SCAP: variants seen among roughly 807,000 people sequenced by gnomAD.
SCAP encodes sterol regulatory element-binding protein cleavage-activating protein.
A neutral mutation model predicts 123.6 loss-of-function variants in SCAP; 65 were observed. The observed-to-expected ratio is 0.53, with a 90% CI of 0.43 to 0.65. The LOEUF is 0.65. Ranked by LOEUF, SCAP falls within the 30% of genes least tolerant of loss-of-function variation. SCAP has a pLI of 0.00. For synonymous variants in SCAP, 740 were observed against 726.3 expected (o/e 1.02, Z -0.30); for missense variants, 1,398 against 1,712.5 (o/e 0.82, Z 3.24).
upstream of SCAP, among the ~76,000 whole-genome samples, chr3:47,476,547 T>C (rs2108051517): frequency 6.6e-6 from 1 of 152,330 alleles, no homozygotes; most frequent in Non-Finnish European, 1.5e-5. Flanking sequence ...CTAGTTTCCC[T>C]ATAGACATTT....
At chr3:47,458,634 T>C (rs1374771131) in intron 1 of SCAP, among the ~76,000 whole-genome samples, 1 of 152,150 alleles carries the variant, frequency 6.6e-6, no homozygotes, top group Non-Finnish European at 1.5e-5. Flanking sequence ...GTAATGGTTG[T>C]CACAAATAAC....
intron 21 of SCAP, 49 bp from the exon 22 acceptor site, chr3:47,414,435 G>A: frequency 6.2e-7 from 1 of 1,605,096 alleles, no homozygotes; most frequent in Non-Finnish European, 8.5e-7. Flanking sequence ...TAATACCTCT[G>A]TCAACAGTGG....
At chr3:47,443,314 T>G (rs1199125033) in intron 1 of SCAP, 5 of 233,576 alleles carry the variant, frequency 2.1e-5, no homozygotes, top group African/African-American at 3.0e-5. Context: ...TCTCTCTCCC[T>G]CCCCGCCCAA....
At chr3:47,425,323 C>A in intron 8 of SCAP, 162 bp downstream of exon 8, 2 of 747,232 alleles carry the variant, frequency 2.7e-6, no homozygotes, top group Non-Finnish European at 4.2e-6. Context: ...TGAATACAAG[C>A]CAGACAAAGA....
chr3:47,458,873 T>A (rs1576308137), intron 1 of SCAP, among the ~76,000 whole-genome samples: 1 of 152,230 alleles, frequency 6.6e-6, no homozygotes, highest in African/African-American at 2.4e-5. Context: ...CGGCGTGATC[T>A]CGGCTCACTG....
intron 4 of SCAP, among the ~76,000 whole-genome samples, 193 bp downstream of exon 4, chr3:47,428,320 T>C (rs996772148): frequency 3.9e-5 from 6 of 152,122 alleles, no homozygotes; most frequent in South Asian, 4.2e-4. Context: ...GCCATCTGCA[T>C]AGGTCCAAGC....
chr3:47,473,780 T>C (rs1708159879), intron 1 of SCAP, among the ~76,000 whole-genome samples: 1 of 152,208 alleles, frequency 6.6e-6, no homozygotes, highest in Admixed American at 6.5e-5. Context: ...ACACTTTTTC[T>C]TTCCTTTTTT....
At chr3:47,453,914 A>G (rs1487575661) in intron 1 of SCAP, among the ~76,000 whole-genome samples, 1 of 152,110 alleles carries the variant, frequency 6.6e-6, no homozygotes, top group East Asian at 1.9e-4. Flanking sequence ...ATAAAATGCT[A>G]TTTCCTCCAT....
chr3:47,441,769 C>T (rs1340172692), intron 2 of SCAP, among the ~76,000 whole-genome samples: 1 of 151,984 alleles, frequency 6.6e-6, no homozygotes, highest in Non-Finnish European at 1.5e-5. Context: ...CTCTAAGTCC[C>T]TACCCCTCTT....
chr3:47,429,327 C>T (rs1439686724), intron 3 of SCAP, among the ~76,000 whole-genome samples: 1 of 152,256 alleles, frequency 6.6e-6, no homozygotes. Context: ...CAGGTGTAGG[C>T]AAACGATGGC....
chr3:47,458,865 G>C (rs1707525102), intron 1 of SCAP, among the ~76,000 whole-genome samples: 1 of 152,190 alleles, frequency 6.6e-6, no homozygotes, highest in East Asian at 1.9e-4. Flanking sequence ...ACGTGCAACG[G>C]CGTGATCTCG....
chr3:47,421,612 C>T (rs575950563), intron 10 of SCAP, among the ~76,000 whole-genome samples: 1 of 152,256 alleles, frequency 6.6e-6, no homozygotes, highest in Non-Finnish European at 1.5e-5. Flanking sequence ...AGTGCTACTC[C>T]GATCTGGGGT....
At chr3:47,442,784 A>C in intron 2 of SCAP, 88 bp downstream of exon 2, 1 of 1,203,910 alleles carries the variant, frequency 8.3e-7, no homozygotes, top group Non-Finnish European at 1.2e-6. Context: ...AAGCATACAG[A>C]GGCCAAGGGC....
intron 1 of SCAP, among the ~76,000 whole-genome samples, chr3:47,463,981 G>A (rs781339205): frequency 3.9e-5 from 6 of 151,944 alleles, no homozygotes. Flanking sequence ...ACAGGCATGA[G>A]CCACCACATC....
intron 9 of SCAP, 121 bp from the exon 10 acceptor site, chr3:47,422,657 C>G: frequency 1.3e-6 from 1 of 752,624 alleles, no homozygotes; most frequent in Non-Finnish European, 2.1e-6. Context: ...TTTGAAGGAG[C>G]CATTCCACCA....
chr3:47,446,041 A>G (rs1351164624), intron 1 of SCAP, among the ~76,000 whole-genome samples: 3 of 150,886 alleles, frequency 2.0e-5, no homozygotes, highest in Non-Finnish European at 2.9e-5. Context: ...ACGCCCAGCT[A>G]ATTTTTGCAT....
chr3:47,452,274 G>A (rs1464251517), intron 1 of SCAP, among the ~76,000 whole-genome samples: 1 of 152,034 alleles, frequency 6.6e-6, no homozygotes, highest in Non-Finnish European at 1.5e-5. Flanking sequence ...CTATAATCCC[G>A]GCTACTCAGG....
Position 47,458,037 on chromosome 3 carries a change from C to T in SCAP, c.-98-14946G>A, listed in dbSNP as rs957054340. On this transcript the variant is annotated intron_variant, in intron 1 of 22. Transcript: ENST00000265565. The stretch of plus-strand genomic sequence containing the variant: ...GCACGGTGGCTCACGCCTGTAATCC[C>T]AGAACTTTGGGAGGCTGAGGTGGGC... Among the ~76,000 whole-genome samples, 3 of 152,280 alleles carry T rather than the reference C, an allele frequency of 2.0e-5. No individual in the cohort carries two copies. The South Asian group carries it at 6.2e-4, about 32-fold the overall frequency.
chr3:47,442,883 G>A lies in SCAP; in HGVS notation c.111C>T (p.Ile37=), dbSNP rs139943406. Residue 37 remains isoleucine, a synonymous_variant, in exon 2 of 23, where the codon ATC becomes ATT. Transcript: ENST00000265565. Reference sequence around the variant, plus strand: ...ACCCAAAAACATACCAGCAGGCTAAGATGCAGAACCCTGTGAAGAGGATGA... The same window carrying A: ...ACCCAAAAACATACCAGCAGGCTAAAATGCAGAACCCTGTGAAGAGGATGA... ...IPIILFTGFC[I]LACCYPLLKL... The A allele has an allele frequency of 4.3e-4, 687 of 1,614,158 alleles. 5 individuals are homozygous for A. The African/African-American group carries it at 7.9e-3, about 19-fold the overall frequency.
Sources: gnomAD v4.1 joint callset for allele counts (sites outside exome capture counted in the v4.1 genomes callset) on GRCh38, gnomAD v4.1.1 for gene constraint, MANE v1.5 for transcripts, NCBI Gene and HGNC (gene_info 2026-07-23, HGNC 2026-07-21) for gene names.